LMNTD2: variants seen among roughly 807,000 people sequenced by gnomAD.
The protein encoded by LMNTD2 is lamin tail domain-containing protein 2.
A neutral mutation model predicts 70.1 loss-of-function variants in LMNTD2; 83 were observed. That is an observed-to-expected ratio of 1.18 (90% CI 0.99 to 1.42). The LOEUF (loss-of-function observed/expected upper bound fraction) is 1.42, where lower values mean the gene tolerates loss of function less well. LMNTD2 is among the 40% of genes most tolerant of loss of function. The pLI is 0.00. For missense variants in LMNTD2, 1,153 were observed against 905.9 expected (o/e 1.27, Z -3.50); for synonymous variants, 534 against 406.1 (o/e 1.31, Z -3.79).
intron 9 of LMNTD2, 41 bp downstream of exon 9, chr11:556,451 C>T: frequency 6.5e-7 from 1 of 1,548,560 alleles, no homozygotes; most frequent in East Asian, 2.4e-5. Flanking sequence ...CGGAAACCAG[C>T]TCCAGTCCGG....
intron 1 of LMNTD2, chr11:560,222 A>G (rs1303291636): frequency 4.9e-6 from 4 of 821,338 alleles, no homozygotes; most frequent in South Asian, 5.5e-5. Context: ...GGGCAGAACA[A>G]TCAATGGCCC....
chr11:555,841 CG>C lies in LMNTD2; in HGVS notation c.1466del (p.Pro489ArgfsTer45), dbSNP rs764296433. 5 of 1,551,722 alleles carry C rather than the reference CG, an allele frequency of 3.2e-6. No homozygotes were observed. Among genetic ancestry groups the C allele is most frequent in the Non-Finnish European group, 4.3e-6 (5 of 1,156,492 alleles). ...CGGCGCCGGGCCCGGCCTCAGGGAG[CG>C]GGAAGCGGTCGATGGACAAGTCGGT... ...DGTDLSIDRFPLPEAGPGADT... is the reference protein window; with the variant it reads ...DGTDLSIDRFXLPEAGPGADT... On this transcript the variant is annotated frameshift_variant, in exon 12 of 14. Transcript: ENST00000329451. LOFTEE classifies it high-confidence loss of function.
rs1167865228 is a variant in LMNTD2 at position 556,298 on chromosome 11, G to T, written c.1151C>A (p.Thr384Lys). The stretch of plus-strand genomic sequence containing the variant: ...CAGCACCATGCCGCTCAGGTCGGCC[G>T]TGCTCTCCTGCGACGGGTTGAAGAT... ...VRIFNPSQES[T>K]ADLSGMVLKQ... The change falls in exon 10 of 14, where the codon ACG (threonine) becomes AAG (lysine). Residue 384 changes from threonine (T) to lysine (K), a missense_variant. Thr to Lys is a moderately conservative substitution (Grantham distance 78). Transcript: ENST00000329451. The T allele has an allele frequency of 6.5e-7, 1 of 1,535,572 alleles. No homozygotes were observed. The highest frequency in any genetic ancestry group is 8.7e-7 in the Non-Finnish European group (1 of 1,146,668).
intron 3 of LMNTD2, 168 bp downstream of exon 3, chr11:558,446 T>TCCACATGCGC (rs1853046151): frequency 9.4e-7 from 1 of 1,060,972 alleles, no homozygotes; most frequent in African/African-American, 1.6e-5. Flanking sequence ...TGCGCAGGGT[T>TCCACATGCGC]AGGGTGGAGG....
In LMNTD2 at chr11:558,891, G is replaced by A. The variant is rs746511776; in HGVS notation, c.123C>T (p.Pro41=). 21 of 1,611,056 alleles carry A rather than the reference G, an allele frequency of 1.3e-5. No homozygotes were observed. The highest frequency in any genetic ancestry group is 2.2e-5 in the East Asian group (1 of 44,852). The change falls in exon 2 of 14, where the codon CCC becomes CCT. Residue 41 remains proline, a synonymous_variant. Transcript: ENST00000329451. ...CAGAGCAGACCACCGGTGCGGGGTG[G>A]GGCGTGGTGTCTGGCAGGCACGTGG... ...ETPTCLPDTT[P]HPAPVVCSAD...
At chr11:560,266 C>T in intron 1 of LMNTD2, 5 of 1,007,130 alleles carry the variant, frequency 5.0e-6, no homozygotes, top group Non-Finnish European at 5.9e-6. Context: ...GGGCCCTGGG[C>T]GGGACAGTAG....
Position 557,413 on chromosome 11 carries a change from G to A in LMNTD2, c.699C>T (p.Pro233=). The change falls in exon 7 of 14, where the codon CCC becomes CCT. Residue 233 remains proline, a synonymous_variant. Transcript: ENST00000329451. ...TGTGCAGTTACTTTTGCTTTGAGCT[G>A]GGCTCCATGTTGGTGAAGAGGTTGG... The part of the protein sequence containing the change: ...RYPNLFTNME[P]SSKQKQPRPW... 12 of 1,605,692 alleles carry A rather than the reference G, an allele frequency of 7.5e-6. No individual in the cohort carries two copies. Among genetic ancestry groups the A allele is most frequent in the Non-Finnish European group, 1.0e-5 (12 of 1,175,914 alleles).
At chr11:556,137 G>C in intron 10 of LMNTD2, 22 bp from the exon 11 acceptor site, 1 of 1,342,220 alleles carries the variant, frequency 7.5e-7, no homozygotes, top group Non-Finnish European at 9.5e-7. Context: ...TGGAGCGGCG[G>C]GTGAGGGGCG....
intron 9 of LMNTD2, 26 bp downstream of exon 9, chr11:556,466 G>A (rs1264798219): frequency 2.6e-6 from 4 of 1,549,432 alleles, no homozygotes; most frequent in African/African-American, 1.4e-5. Context: ...GTCCGGCGCC[G>A]GAGGCTTGGG....
chr11:559,420 G>A, intron 1 of LMNTD2: 1 of 1,308,308 alleles, frequency 7.6e-7, no homozygotes, highest in South Asian at 1.2e-5. Flanking sequence ...GCACCCAGAA[G>A]GGGTGGGGCT....
chr11:556,061 G>A lies in LMNTD2; in HGVS notation c.1312C>T (p.Arg438Trp), dbSNP rs1209718371. The A allele has an allele frequency of 1.9e-6, 3 of 1,548,452 alleles. No homozygotes were observed. The highest frequency in any genetic ancestry group is 8.6e-7 in the Non-Finnish European group (1 of 1,158,190). Residue 438 changes from arginine to tryptophan, a missense_variant, in exon 11 of 14, where the codon CGG (arginine) becomes TGG (tryptophan). Transcript: ENST00000329451. ...AKKPLRASSS[R>W]EPVPLLSIRG... Reference sequence around the variant, plus strand: ...ATGGAGAGGAGGGGAACGGGCTCCCGGCTCGAGGACGCGCGCAGCGGCTTC... The same window carrying A: ...ATGGAGAGGAGGGGAACGGGCTCCCAGCTCGAGGACGCGCGCAGCGGCTTC...
intron 9 of LMNTD2, 27 bp downstream of exon 9, chr11:556,465 C>G (rs769511035): frequency 5.3e-5 from 82 of 1,549,376 alleles, no homozygotes; most frequent in African/African-American, 4.9e-4. Flanking sequence ...AGTCCGGCGC[C>G]GGAGGCTTGG....
rs369204490 is a variant in LMNTD2 at position 556,014 on chromosome 11, G to A, written c.1359C>T (p.Leu453=). The A allele has an allele frequency of 1.1e-4, 173 of 1,558,212 alleles. No homozygotes were observed. The highest frequency in any genetic ancestry group is 1.4e-4 in the Non-Finnish European group (166 of 1,162,480). ...CACCGACCTCGCCCTTGGGGCTCAG[G>A]AGCAGCGTCGCGCAGCCGCGGATGG... The part of the protein sequence containing the change: ...LLSIRGCATL[L]LSPKGEVLSE... Residue 453 remains leucine (L), a synonymous_variant, in exon 11 of 14, where the codon CTC becomes CTT. Coordinates refer to ENST00000329451, the MANE Select transcript of LMNTD2 (RefSeq NM_173573.3).
Position 556,503 on chromosome 11 carries a change from T to C in LMNTD2, c.1062A>G (p.Glu354=), listed in dbSNP as rs200001004. 1.7e-5 allele frequency: 27 copies of C among 1,552,034 alleles called. No individual in the cohort carries two copies. In the East Asian group the frequency reaches 5.8e-4, roughly 34 times the overall value. ...PCTDPDHWSP[E]LLQSPTGLKI... ...CACTCGCCCCTTACCTCTGCAGGAG[T>C]TCCGGGCTCCAGTGGTCCGGGTCTG... Residue 354 remains glutamate (E), a synonymous_variant, in exon 9 of 14, where the codon GAA becomes GAG. Transcript: ENST00000329451.
rs1852934689 is a variant in LMNTD2, at chr11:557,029, T to C, written c.782A>G (p.His261Arg). ...PESSGKHSER[H>R]HKTVEWGSLP... is the part of the protein sequence containing the mutation. ...GGAGCCCCACTCCACGGTCTTGTGA[T>C]GCCGCTCGGAATGCTTTCCAGAGGA... Residue 261 changes from histidine (H) to arginine (R), a missense_variant, in exon 8 of 14, where the codon CAT becomes CGT. Coordinates refer to ENST00000329451, the MANE Select transcript of LMNTD2 (RefSeq NM_173573.3). 1.2e-6 allele frequency: 2 copies of C among 1,609,698 alleles called. No homozygotes were observed. The highest frequency in any genetic ancestry group is 1.7e-5 in the Admixed American group (1 of 59,718).
chr11:559,188 C>T, intron 1 of LMNTD2: 1 of 1,473,654 alleles, frequency 6.8e-7, no homozygotes, highest in Non-Finnish European at 9.0e-7. Flanking sequence ...TGGGTGTCCA[C>T]ACCCGTGTGT....
chr11:555,383 G>A lies in LMNTD2; in HGVS notation c.1695C>T (p.Asp565=), dbSNP rs1409734224. 2 of 1,413,948 alleles carry A rather than the reference G, an allele frequency of 1.4e-6. No individual in the cohort carries two copies. The highest frequency in any genetic ancestry group is 6.2e-5 in the Admixed American group (2 of 32,172). 87.6% of individuals were successfully genotyped at this position (1,413,948 alleles called of 1,614,324 possible). The part of the protein sequence containing the change: ...APQHLPAIPG[D]PTLPSPPAEA... ...CTGCGGGAGGCGACGGCAGGGTGGGGTCACCCGGGATGGCGGGCAGGTGCT... is the reference window on the plus strand; with the variant it reads ...CTGCGGGAGGCGACGGCAGGGTGGGATCACCCGGGATGGCGGGCAGGTGCT... The change falls in exon 13 of 14, where the codon GAC becomes GAT. Residue 565 remains aspartate, a synonymous_variant. Transcript: ENST00000329451.
rs1303521482 is a variant in LMNTD2, at chr11:555,448, C to T, written c.1630G>A (p.Gly544Arg). 1.4e-6 allele frequency: 2 copies of T among 1,381,016 alleles called. No individual in the cohort carries two copies. Among genetic ancestry groups the T allele is most frequent in the South Asian group, 3.4e-5 (2 of 58,096 alleles). 85.5% of individuals were successfully genotyped at this position (1,381,016 alleles called of 1,614,324 possible). A position where few individuals can be genotyped will look rare whatever the true frequency, so the allele number is the denominator to read the frequency against. The change falls in exon 13 of 14, where the codon GGG (glycine) becomes AGG (arginine). Residue 544 changes from glycine (G) to arginine (R), a missense_variant. Coordinates refer to ENST00000329451, the MANE Select transcript of LMNTD2 (RefSeq NM_173573.3). Reference protein sequence around the residue: ...SSGKLFHAREGPARPENPEIP... With the variant: ...SSGKLFHARERPARPENPEIP... ...TCGGGGTTCTCGGGCCGCGCAGGCC[C>T]CTCCCGCGCGTGGAAGAGCTTCCCC...
chr11:559,085 C>G, intron 1 of LMNTD2, 106 bp from the exon 2 acceptor site: 1 of 1,539,658 alleles, frequency 6.5e-7, no homozygotes, highest in Non-Finnish European at 8.7e-7. Context: ...GGGGGCCCGT[C>G]TGCCGTGTGC....
Sources: gnomAD v4.1 joint callset for allele counts on GRCh38, gnomAD v4.1.1 for gene constraint, MANE v1.5 for transcripts, NCBI Gene and HGNC (gene_info 2026-07-23, HGNC 2026-07-21) for gene names.